NPAS3: variants seen among roughly 807,000 people sequenced by gnomAD.
The protein encoded by NPAS3 is neuronal PAS domain-containing protein 3.
NPAS3 carries 14 observed loss-of-function variants against 73.1 expected under a neutral mutation model. The observed-to-expected ratio is 0.19, with a 90% CI of 0.13 to 0.30. The LOEUF is 0.30. NPAS3 is among the 10% of genes least tolerant of loss of function. The pLI, the probability that NPAS3 is intolerant of heterozygous loss-of-function variation, is 1.00. For synonymous variants in NPAS3, 620 were observed against 541.5 expected, an observed-to-expected ratio of 1.14 and a Z score of -2.01; for missense variants, 1,096 against 1,250.0, an observed-to-expected ratio of 0.88 and a Z score of 1.86.
At chr14:33,672,242 C>T (rs2059629232) in intron 5 of NPAS3, among the ~76,000 whole-genome samples, 3 of 152,048 alleles carry the variant, frequency 2.0e-5, no homozygotes, top group Non-Finnish European at 1.5e-5. Context: ...AAACTCAAGG[C>T]CTTACTGCAA....
At chr14:33,542,541 T>C (rs965330710) in intron 4 of NPAS3, among the ~76,000 whole-genome samples, 3 of 152,218 alleles carry the variant, frequency 2.0e-5, no homozygotes, top group Non-Finnish European at 4.4e-5. Flanking sequence ...CATCATTTTT[T>C]TTCAGTTCCC....
intron 5 of NPAS3, among the ~76,000 whole-genome samples, chr14:33,649,382 G>A (rs1036557151): frequency 3.3e-5 from 5 of 152,218 alleles, no homozygotes; most frequent in African/African-American, 7.2e-5. Flanking sequence ...TTACACCATC[G>A]AGGGTTGCAC....
intron 3 of NPAS3, among the ~76,000 whole-genome samples, chr14:33,362,248 A>ATT (rs147981262): frequency 0.11 from 16,910 of 152,132 alleles, 1,193 homozygotes; most frequent in African/African-American, 0.19. Flanking sequence ...AAAGAATACA[A>ATT]TTTGTGAAAA....
intron 4 of NPAS3, among the ~76,000 whole-genome samples, chr14:33,391,811 C>G (rs1041381812): frequency 2.0e-5 from 3 of 152,084 alleles, no homozygotes; most frequent in African/African-American, 7.2e-5. Context: ...GACATGCTCA[C>G]CCTTGGGTAT....
intron 3 of NPAS3, among the ~76,000 whole-genome samples, chr14:33,231,787 G>T (rs575496420): frequency 6.6e-6 from 1 of 152,206 alleles, no homozygotes; most frequent in South Asian, 2.1e-4. Context: ...AAAAGAAGGG[G>T]TGTTCAAAGA....
chr14:33,195,414 G>A (rs1168928465), intron 2 of NPAS3, among the ~76,000 whole-genome samples: 2 of 152,068 alleles, frequency 1.3e-5, no homozygotes, highest in Non-Finnish European at 2.9e-5. Context: ...GGGATTACAG[G>A]CGTGCACCAC....
intron 4 of NPAS3, among the ~76,000 whole-genome samples, chr14:33,412,684 A>T (rs903130424): frequency 6.6e-6 from 1 of 151,932 alleles, no homozygotes. Flanking sequence ...TGACAGCTCT[A>T]CTCCTCACTG....
chr14:33,250,241 A>G (rs1254992682), intron 3 of NPAS3, among the ~76,000 whole-genome samples: 1 of 152,120 alleles, frequency 6.6e-6, no homozygotes, highest in African/African-American at 2.4e-5. Context: ...ATTTCTTGAA[A>G]TTGCTAAGAA....
intron 1 of NPAS3, among the ~76,000 whole-genome samples, chr14:32,940,847 A>G (rs1042264142): frequency 6.6e-6 from 1 of 152,228 alleles, no homozygotes; most frequent in Non-Finnish European, 1.5e-5. Flanking sequence ...GATTAAGGAA[A>G]TACTTTTGTT....
intron 7 of NPAS3, among the ~76,000 whole-genome samples, chr14:33,757,548 A>G (rs558717818): frequency 6.6e-6 from 1 of 152,206 alleles, no homozygotes; most frequent in Non-Finnish European, 1.5e-5. Flanking sequence ...GATGGGGGAA[A>G]AAATGAGAGA....
At chr14:32,941,140 A>T (rs1245101625) in intron 1 of NPAS3, among the ~76,000 whole-genome samples, 1 of 152,004 alleles carries the variant, frequency 6.6e-6, no homozygotes, top group African/African-American at 2.4e-5. Flanking sequence ...TTTTTTATCT[A>T]ACATGAAGAT....
chr14:33,234,627 G>C (rs1383591093), intron 3 of NPAS3, among the ~76,000 whole-genome samples: 3 of 152,004 alleles, frequency 2.0e-5, no homozygotes, highest in African/African-American at 7.2e-5. Context: ...CTGTGTGGTG[G>C]CTAGACCAGA....
chr14:33,360,000 C>T (rs1177626712), intron 3 of NPAS3, among the ~76,000 whole-genome samples: 2 of 152,208 alleles, frequency 1.3e-5, no homozygotes, highest in South Asian at 2.1e-4. Flanking sequence ...CACCTTCTTA[C>T]GTCAAGAATG....
At chr14:33,526,157 C>G (rs960964531) in intron 4 of NPAS3, among the ~76,000 whole-genome samples, 1 of 152,128 alleles carries the variant, frequency 6.6e-6, no homozygotes, top group African/African-American at 2.4e-5. Flanking sequence ...ACCTGGAATG[C>G]ATTTCCTCAC....
intron 4 of NPAS3, among the ~76,000 whole-genome samples, chr14:33,380,728 G>A (rs1014173887): frequency 5.3e-5 from 8 of 152,180 alleles, no homozygotes; most frequent in African/African-American, 1.4e-4. Flanking sequence ...TGAATAAAAT[G>A]TGTAACTAAT....
At chr14:33,050,603 A>G (rs2040669706) in intron 1 of NPAS3, among the ~76,000 whole-genome samples, 1 of 152,220 alleles carries the variant, frequency 6.6e-6, no homozygotes, top group East Asian at 1.9e-4. Context: ...GATAAATGTT[A>G]TATTAATTTA....
intron 6 of NPAS3, among the ~76,000 whole-genome samples, chr14:33,730,827 C>A (rs2061380004): frequency 6.6e-6 from 1 of 152,186 alleles, no homozygotes; most frequent in South Asian, 2.1e-4. Flanking sequence ...GCAAAATGAA[C>A]CAACACCTCT....
intron 4 of NPAS3, among the ~76,000 whole-genome samples, chr14:33,440,765 C>T (rs771347247): frequency 6.6e-6 from 1 of 151,964 alleles, no homozygotes; most frequent in Non-Finnish European, 1.5e-5. Flanking sequence ...TGGTGGAAGA[C>T]GCCTATAATC....
chr14:32,973,533 ATTTTTTT>A (rs71432099), intron 1 of NPAS3, among the ~76,000 whole-genome samples: 14 of 128,922 alleles, frequency 1.1e-4, no homozygotes, highest in African/African-American at 3.8e-4. Flanking sequence ...GTATATTTTG[ATTTTTTT>A]TTTTTTTTTT....
Sources: allele counts gnomAD v4.1 joint callset (sites outside exome capture counted in the v4.1 genomes callset), GRCh38; gene constraint gnomAD v4.1.1; transcripts MANE v1.5; gene names NCBI Gene and HGNC (gene_info 2026-07-23, HGNC 2026-07-21).